VEGFD: variants seen among roughly 807,000 people sequenced by gnomAD.
VEGFD encodes the protein vascular endothelial growth factor D, also known as c-fos induced growth factor (vascular endothelial growth factor D).
A neutral mutation model predicts 28.0 loss-of-function variants in VEGFD; 26 were observed. The ratio of observed to expected loss-of-function variants is 0.93; its 90% CI spans 0.68 to 1.29. VEGFD has a LOEUF of 1.29. VEGFD is among the 50% of genes most tolerant of loss of function. The pLI is 0.00. For synonymous variants in VEGFD, 93 were observed against 95.5 expected (o/e 0.97, Z 0.15); for missense variants, 294 against 273.4 (o/e 1.08, Z -0.53).
intron 1 of VEGFD, among the ~76,000 whole-genome samples, chrX:15,381,809 G>A (rs1923579255): frequency 1.1e-5 from 1 of 87,722 alleles, no homozygotes; most frequent in Admixed American, 1.2e-4. Flanking sequence ...AATTGAGCGA[G>A]GGGTAGGGTG....
chrX:15,366,154 C>T (rs1261867112), intron 1 of VEGFD, among the ~76,000 whole-genome samples: 2 of 110,690 alleles, frequency 1.8e-5, no homozygotes, highest in East Asian at 5.6e-4. Flanking sequence ...CTACAGGCGC[C>T]CACCACCACG....
At chrX:15,357,156 C>T (rs761172381) in intron 3 of VEGFD, among the ~76,000 whole-genome samples, 27 of 112,041 alleles carry the variant, frequency 2.4e-4, no homozygotes, top group Non-Finnish European at 4.5e-4. Flanking sequence ...ACATGGTAAC[C>T]AGAGAAAGGA....
At position 15,346,005 on chromosome X, in the gene VEGFD, T is replaced by C. The variant is rs1922535756; in HGVS notation, c.*128A>G. ...TTAGCTGGTGTGAATGGAAGGTTGG[T>C]CTGGATTCACTGTGGTGCTGTGTAA... On this transcript the variant is annotated 3_prime_UTR_variant, in exon 7 of 7. Transcript: ENST00000297904. The C allele has an allele frequency of 2.5e-6, 2 of 807,163 alleles. No homozygotes were observed. The highest frequency in any genetic ancestry group is 6.1e-5 in the Admixed American group (2 of 32,648). The allele number at this position is 807,163 out of a possible 1,213,427, so 66.5% of individuals were successfully genotyped here. A position where few individuals can be genotyped will look rare whatever the true frequency, so the allele number is the denominator to read the frequency against.
intron 1 of VEGFD, among the ~76,000 whole-genome samples, 165 bp downstream of exon 1, chrX:15,383,692 T>C (rs1268026608): frequency 8.9e-6 from 1 of 111,925 alleles, no homozygotes; most frequent in Non-Finnish European, 1.9e-5. Context: ...TTAATAAGAC[T>C]AAGAAACAGA....
chrX:15,355,300 T>C lies in VEGFD; in HGVS notation c.493-2A>G. On this transcript the variant is annotated splice_acceptor_variant, in intron 3 of 6. Transcript: ENST00000297904. LOFTEE classifies it high-confidence loss of function. ...CAAAGGCACTGATATCTCAAAGAGC[T>C]ACAGCAGAGAAAGATAACCACAATA... The C allele has an allele frequency of 8.5e-7, 1 of 1,171,581 alleles. No homozygotes were observed. The highest frequency in any genetic ancestry group is 2.1e-5 in the South Asian group (1 of 48,610).
chrX:15,376,362 G>A (rs1418067008), intron 1 of VEGFD, among the ~76,000 whole-genome samples: 5 of 111,798 alleles, frequency 4.5e-5, no homozygotes, highest in African/African-American at 1.6e-4. Flanking sequence ...CCTAAGCCTT[G>A]AGCCTTAATC....
At chrX:15,367,871 C>T (rs1923183283) in intron 1 of VEGFD, among the ~76,000 whole-genome samples, 1 of 107,453 alleles carries the variant, frequency 9.3e-6, no homozygotes, top group Admixed American at 1.0e-4. Context: ...GGGAGAATCA[C>T]CTGAGCCTGG....
intron 1 of VEGFD, among the ~76,000 whole-genome samples, chrX:15,376,672 T>C (rs1569188273): frequency 8.9e-6 from 1 of 111,813 alleles, no homozygotes; most frequent in Non-Finnish European, 1.9e-5. Context: ...TTATCTCCTC[T>C]TCCTCTTCCT....
At chrX:15,357,795 G>C (rs1051163010) in intron 3 of VEGFD, among the ~76,000 whole-genome samples, 1 of 111,916 alleles carries the variant, frequency 8.9e-6, no homozygotes, top group Non-Finnish European at 1.9e-5. Context: ...TATCAGCCGT[G>C]TAAACTTGGA....
rs1355525618 is a variant in VEGFD at position 15,355,168 on chromosome X, T to C, written c.623A>G (p.Gln208Arg). Residue 208 changes from glutamine to arginine, a missense_variant, in exon 4 of 7, where the codon CAG becomes CGG. By Grantham distance (43) the Gln-to-Arg change is conservative. Transcript: ENST00000297904. Reference protein sequence around the residue: ...HPYSIIRRSIQIPEEDRCSHS... With the variant: ...HPYSIIRRSIRIPEEDRCSHS... ...TGCTTACCGATCTTCTTCAGGGATCTGGATGGATCTTCTGATAATTGAGTA... is the reference window on the plus strand; with the variant it reads ...TGCTTACCGATCTTCTTCAGGGATCCGGATGGATCTTCTGATAATTGAGTA... 1.7e-6 allele frequency: 2 copies of C among 1,189,792 alleles called. No homozygotes were observed. The highest frequency in any genetic ancestry group is 1.1e-6 in the Non-Finnish European group (1 of 888,681).
chrX:15,352,267 T>A (rs1043582379), intron 5 of VEGFD, among the ~76,000 whole-genome samples: 1 of 111,943 alleles, frequency 8.9e-6, no homozygotes, highest in Non-Finnish European at 1.9e-5. Flanking sequence ...AGATTATAGT[T>A]TAAAACAAGC....
chrX:15,377,729 T>C (rs1195715377), intron 1 of VEGFD, among the ~76,000 whole-genome samples: 1 of 111,530 alleles, frequency 9.0e-6, no homozygotes, highest in Non-Finnish European at 1.9e-5. Flanking sequence ...AGAAGTAATA[T>C]GTGTCACTTC....
intron 5 of VEGFD, among the ~76,000 whole-genome samples, chrX:15,349,923 A>G (rs1213003035): frequency 3.6e-5 from 4 of 111,461 alleles, no homozygotes; most frequent in Admixed American, 9.5e-5. Flanking sequence ...AGAATGAGAA[A>G]CAATTGTGAT....
intron 1 of VEGFD, among the ~76,000 whole-genome samples, chrX:15,377,620 G>A (rs1923468753): frequency 8.9e-6 from 1 of 112,250 alleles, no homozygotes; most frequent in Non-Finnish European, 1.9e-5. Flanking sequence ...AATACGGTTT[G>A]TCAAATATTT....
intron 5 of VEGFD, among the ~76,000 whole-genome samples, chrX:15,352,690 G>C (rs1419191980): frequency 8.9e-6 from 1 of 111,997 alleles, no homozygotes; most frequent in African/African-American, 3.2e-5. Context: ...TTTCATTCAA[G>C]TTTAACATCC....
intron 1 of VEGFD, among the ~76,000 whole-genome samples, chrX:15,365,410 G>C (rs1295145196): frequency 8.9e-6 from 1 of 112,272 alleles, no homozygotes; most frequent in Non-Finnish European, 1.9e-5. Flanking sequence ...TGTGATTACA[G>C]ACATGAGCCG....
In VEGFD at chrX:15,358,095, G is replaced by C; in HGVS notation, c.400C>G (p.Pro134Ala). The C allele has an allele frequency of 8.3e-7, 1 of 1,211,306 alleles. No individual in the cohort carries two copies. The highest frequency in any genetic ancestry group is 1.1e-6 in the Non-Finnish European group (1 of 895,094). Reference protein sequence around the residue: ...LGKSTNTFFKPPCVNVFRCGG... With the variant: ...LGKSTNTFFKAPCVNVFRCGG... The stretch of plus-strand genomic sequence containing the variant: ...CATCGGAACACGTTCACACAAGGGG[G>C]CTTGAAGAATGTGTTGGTACTCTTC... Residue 134 changes from proline (P) to alanine (A), a missense_variant, in exon 3 of 7, where the codon CCC becomes GCC. Transcript: ENST00000297904.
chrX:15,353,605 C>A (rs1338813269), intron 4 of VEGFD, among the ~76,000 whole-genome samples: 1 of 110,964 alleles, frequency 9.0e-6, no homozygotes, highest in African/African-American at 3.3e-5. Context: ...CCGGGCGTGG[C>A]GGCACATGCC....
intron 6 of VEGFD, 101 bp downstream of exon 6, chrX:15,347,063 G>A: frequency 1.3e-6 from 1 of 758,991 alleles, no homozygotes; most frequent in Non-Finnish European, 1.9e-6. Context: ...AGGGACTCAG[G>A]CACCAAGGGG....
Sources: gnomAD v4.1 joint callset for allele counts (sites outside exome capture counted in the v4.1 genomes callset) on GRCh38, gnomAD v4.1.1 for gene constraint, MANE v1.5 for transcripts, NCBI Gene and HGNC (gene_info 2026-07-23, HGNC 2026-07-21) for gene names.